Variants in DLG2 observed in about 807,000 individuals in gnomAD.
DLG2 encodes the protein discs large MAGUK scaffold protein 2.
In DLG2, 45 loss-of-function variants were observed where a neutral mutation model predicts 132.5. The observed-to-expected ratio is 0.34, with a 90% CI of 0.27 to 0.44. DLG2 has a LOEUF of 0.44. Among genes scored for constraint, DLG2 ranks in the 20% least tolerant of loss-of-function variants. The pLI, the probability that DLG2 is intolerant of heterozygous loss-of-function variation, is 1.00. For synonymous variants in DLG2, 424 were observed against 419.6 expected (o/e 1.01, Z -0.13); for missense variants, 1,045 against 1,196.9 (o/e 0.87, Z 1.87).
intron 6 of DLG2, among the ~76,000 whole-genome samples, chr11:84,553,208 G>T (rs1394723479): frequency 6.6e-6 from 1 of 151,910 alleles, no homozygotes; most frequent in Non-Finnish European, 1.5e-5. Context: ...TTGTCACTTT[G>T]TATTGTTCTT....
chr11:84,008,343 A>G (rs1185539259), intron 11 of DLG2, among the ~76,000 whole-genome samples: 1 of 151,964 alleles, frequency 6.6e-6, no homozygotes, highest in African/African-American at 2.4e-5. Context: ...ATACAATTTA[A>G]TTAATATGCA....
chr11:83,942,231 T>C (rs1262958537), intron 14 of DLG2, among the ~76,000 whole-genome samples: 1 of 152,182 alleles, frequency 6.6e-6, no homozygotes, highest in Non-Finnish European at 1.5e-5. Flanking sequence ...AAAAAATTCA[T>C]TAGCATTGAA....
intron 3 of DLG2, among the ~76,000 whole-genome samples, chr11:85,332,065 A>T (rs1043753297): frequency 9.2e-5 from 14 of 152,174 alleles, no homozygotes; most frequent in African/African-American, 3.1e-4. Context: ...TGGCTGAACT[A>T]ATTTATACTC....
In DLG2 at chr11:83,930,490, A is replaced by T; in HGVS notation, c.1341-7T>A. 6.2e-7 allele frequency: 1 copy of T among 1,613,374 alleles called. No homozygotes were observed. Among genetic ancestry groups the T allele is most frequent in the Non-Finnish European group, 8.5e-7 (1 of 1,179,486 alleles). On this transcript the variant is annotated splice_polypyrimidine_tract_variant and splice_region_variant and intron_variant, in intron 14 of 27. Transcript: ENST00000376104. ...GTAAACAGGTTCCGGAGGCCTGGTG[A>T]TACAAGAGGAAGAGAAAGATATGCA...
intron 5 of DLG2, among the ~76,000 whole-genome samples, chr11:85,138,665 A>G (rs1454166340): frequency 3.8e-4 from 58 of 152,076 alleles, no homozygotes; most frequent in Admixed American, 3.7e-3. Context: ...TTCCCATGCT[A>G]TACTTGTGTT....
At position 83,510,830 on chromosome 11, in the gene DLG2, G is replaced by GTTTTT. The variant is rs566973328; in HGVS notation, c.2193+21873_2193+21877dup. The stretch of plus-strand genomic sequence containing the variant: ...TGGCTCAAAAGTTTCTGAACCATCC[G>GTTTTT]TTTTTTTTTTTTTTTTTTTTTGGAA... On this transcript the variant is annotated intron_variant, in intron 21 of 27. Transcript: ENST00000376104. Among the ~76,000 whole-genome samples the GTTTTT allele has an allele frequency of 5.2e-4, 46 of 88,772 alleles. 2 individuals carry two copies. The highest frequency in any genetic ancestry group is 1.1e-3 in the African/African-American group (25 of 22,328). The allele number at this position is 88,772 out of a possible 152,430, so 58.2% of individuals were successfully genotyped here. A position where few individuals can be genotyped will look rare whatever the true frequency, so the allele number is the denominator to read the frequency against.
At chr11:84,948,595 T>C (rs1465441659) in intron 6 of DLG2, among the ~76,000 whole-genome samples, 1 of 152,242 alleles carries the variant, frequency 6.6e-6, no homozygotes, top group Non-Finnish European at 1.5e-5. Flanking sequence ...AACAGCACAT[T>C]TTATCATACA....
chr11:85,533,294 GATTACAGGC>G (rs1313696702), intron 3 of DLG2, among the ~76,000 whole-genome samples: 1 of 151,858 alleles, frequency 6.6e-6, no homozygotes. Context: ...AAAGTGCTGG[GATTACAGGC>G]ATGAGCCACC....
At chr11:83,876,893 A>G (rs987778687) in intron 15 of DLG2, among the ~76,000 whole-genome samples, 16 of 152,174 alleles carry the variant, frequency 1.1e-4, no homozygotes, top group African/African-American at 1.9e-4. Flanking sequence ...TTTTGGAGTT[A>G]CATAACGTTA....
At chr11:83,900,278 T>C (rs2073052436) in intron 15 of DLG2, among the ~76,000 whole-genome samples, 1 of 152,196 alleles carries the variant, frequency 6.6e-6, no homozygotes, top group Non-Finnish European at 1.5e-5. Flanking sequence ...TAAAATCCCA[T>C]TTTCTCAGAA....
chr11:84,595,760 A>T (rs774905466), intron 6 of DLG2, among the ~76,000 whole-genome samples: 1 of 152,236 alleles, frequency 6.6e-6, no homozygotes, highest in Non-Finnish European at 1.5e-5. Context: ...AGCATAAAAG[A>T]AGAAATATCA....
chr11:84,292,954 G>C (rs192512312), intron 7 of DLG2, among the ~76,000 whole-genome samples: 1 of 152,230 alleles, frequency 6.6e-6, no homozygotes, highest in East Asian at 1.9e-4. Flanking sequence ...AATATTTTAA[G>C]AAAGTTTACA....
At chr11:85,325,190 G>T (rs1485263410) in intron 3 of DLG2, among the ~76,000 whole-genome samples, 2 of 148,678 alleles carry the variant, frequency 1.3e-5, no homozygotes, top group Admixed American at 6.7e-5. Flanking sequence ...CAACGAGGCT[G>T]GGGGAGGGGC....
At chr11:84,382,981 T>TTAACC in intron 7 of DLG2, among the ~76,000 whole-genome samples, 1 of 152,022 alleles carries the variant, frequency 6.6e-6, no homozygotes. Context: ...TCCTCTCATC[T>TTAACC]TAACCTCCTT....
chr11:84,235,992 T>C (rs896202303), intron 8 of DLG2, among the ~76,000 whole-genome samples: 1 of 152,018 alleles, frequency 6.6e-6, no homozygotes, highest in African/African-American at 2.4e-5. Flanking sequence ...ACAATGACAT[T>C]GTTCAGATCA....
intron 19 of DLG2, among the ~76,000 whole-genome samples, chr11:83,549,214 C>G (rs979067662): frequency 1.3e-5 from 2 of 152,162 alleles, no homozygotes; most frequent in Admixed American, 6.6e-5. Context: ...CTCCATCCCA[C>G]TGTGCCTGGC....
chr11:84,530,040 G>C (rs2099331463), intron 7 of DLG2, among the ~76,000 whole-genome samples: 1 of 152,086 alleles, frequency 6.6e-6, no homozygotes, highest in African/African-American at 2.4e-5. Flanking sequence ...CCGGCAATGG[G>C]GAAAGGACTC....
intron 6 of DLG2, among the ~76,000 whole-genome samples, chr11:84,805,026 G>T (rs964458315): frequency 6.6e-6 from 1 of 152,158 alleles, no homozygotes; most frequent in African/African-American, 2.4e-5. Flanking sequence ...GAGGCCTTCT[G>T]GAGAGTCAGA....
intron 7 of DLG2, among the ~76,000 whole-genome samples, chr11:84,340,847 C>A (rs565487522): frequency 4.6e-5 from 7 of 152,014 alleles, no homozygotes; most frequent in Non-Finnish European, 7.4e-5. Flanking sequence ...CTCTTGCAAT[C>A]AAGTAGAAAG....
Sources: gnomAD v4.1 joint callset for allele counts (sites outside exome capture counted in the v4.1 genomes callset) on GRCh38, gnomAD v4.1.1 for gene constraint, MANE v1.5 for transcripts, NCBI Gene and HGNC (gene_info 2026-07-23, HGNC 2026-07-21) for gene names.